The following TAFA1 variants were observed in gnomAD, a reference collection of about 807,000 sequenced individuals.
The protein encoded by TAFA1 is chemokine-like protein TAFA-1.
Under a neutral mutation model 18.5 loss-of-function variants are expected in TAFA1, and 4 were observed. The ratio of observed to expected loss-of-function variants is 0.22; its 90% confidence interval spans 0.11 to 0.49. The LOEUF (loss-of-function observed/expected upper bound fraction) is 0.49, where lower values mean the gene tolerates loss of function less well. TAFA1 is among the 20% of genes least tolerant of loss of function. TAFA1 has a pLI of 0.98. For synonymous variants in TAFA1, 56 were observed against 55.2 expected, an observed-to-expected ratio of 1.01 and a Z score of -0.06; for missense variants, 147 against 169.0, an observed-to-expected ratio of 0.87 and a Z score of 0.72.
chr3:68,102,174 C>T (rs6419759), intron 2 of TAFA1, among the ~76,000 whole-genome samples: 78,821 of 151,844 alleles, frequency 0.52, 20,800 homozygotes, highest in South Asian at 0.63. Flanking sequence ...TTTCCTCTTA[C>T]GCTAATTCAT....
At chr3:68,495,456 A>G (rs1415064723) in intron 3 of TAFA1, among the ~76,000 whole-genome samples, 1 of 152,226 alleles carries the variant, frequency 6.6e-6, no homozygotes, top group Non-Finnish European at 1.5e-5. Flanking sequence ...AAGATGATGC[A>G]TAATAAATTT....
chr3:68,210,952 G>C (rs77994549), intron 2 of TAFA1, among the ~76,000 whole-genome samples: 2,638 of 152,060 alleles, frequency 0.017, 67 homozygotes, highest in African/African-American at 0.059. Flanking sequence ...GGAAGACCCA[G>C]TGCTAAGACA....
chr3:68,098,340 C>T (rs144174277), intron 2 of TAFA1, among the ~76,000 whole-genome samples: 51 of 152,160 alleles, frequency 3.4e-4, no homozygotes, highest in Middle Eastern at 3.4e-3. Flanking sequence ...TATGCTGTGC[C>T]ACTTCTGTCT....
intron 2 of TAFA1, among the ~76,000 whole-genome samples, chr3:68,123,563 G>A (rs2065426420): frequency 6.6e-6 from 1 of 152,086 alleles, no homozygotes; most frequent in Admixed American, 6.5e-5. Context: ...TCACTTTTCT[G>A]AAAAGAGATG....
chr3:68,190,020 C>T (rs1229111612), intron 2 of TAFA1, among the ~76,000 whole-genome samples: 3 of 151,920 alleles, frequency 2.0e-5, no homozygotes, highest in Non-Finnish European at 4.4e-5. Context: ...TATCAAGCTA[C>T]TGTGGTTGAA....
intron 2 of TAFA1, among the ~76,000 whole-genome samples, chr3:68,176,901 G>T (rs1372303132): frequency 6.6e-6 from 1 of 152,116 alleles, no homozygotes; most frequent in African/African-American, 2.4e-5. Context: ...CTAGTTCTGG[G>T]AGGAATGTGG....
At chr3:68,118,047 G>A (rs1008753068) in intron 2 of TAFA1, among the ~76,000 whole-genome samples, 63 of 152,190 alleles carry the variant, frequency 4.1e-4, no homozygotes, top group Non-Finnish European at 7.5e-4. Flanking sequence ...GACCGAGGGT[G>A]GGATGGTTTC....
intron 2 of TAFA1, among the ~76,000 whole-genome samples, chr3:68,029,915 T>C (rs1217776250): frequency 6.6e-6 from 1 of 152,138 alleles, no homozygotes; most frequent in African/African-American, 2.4e-5. Context: ...GGACGATAGT[T>C]AAGAAAACCA....
chr3:68,203,463 T>C (rs1458498948), intron 2 of TAFA1, among the ~76,000 whole-genome samples: 2 of 151,734 alleles, frequency 1.3e-5, no homozygotes, highest in African/African-American at 4.8e-5. Context: ...TAGTATGCCT[T>C]GTAATTTTTG....
intron 2 of TAFA1, among the ~76,000 whole-genome samples, chr3:68,299,059 A>G (rs575831248): frequency 2.6e-5 from 4 of 152,336 alleles, no homozygotes; most frequent in African/African-American, 9.6e-5. Context: ...TTGACCAAAA[A>G]TGCTGATAGT....
intron 3 of TAFA1, among the ~76,000 whole-genome samples, chr3:68,522,937 A>G (rs2203118): frequency 0.79 from 119,794 of 151,804 alleles, 47,356 homozygotes; most frequent in East Asian, 0.89. Flanking sequence ...TTGGCGAGGT[A>G]TGGTGGTGTG....
intron 3 of TAFA1, among the ~76,000 whole-genome samples, chr3:68,421,291 G>A (rs972777883): frequency 6.6e-6 from 1 of 152,124 alleles, no homozygotes; most frequent in African/African-American, 2.4e-5. Context: ...AGTCAATAAA[G>A]TATTGAGTGT....
At chr3:68,254,517 G>A (rs1184616920) in intron 2 of TAFA1, among the ~76,000 whole-genome samples, 1 of 151,948 alleles carries the variant, frequency 6.6e-6, no homozygotes, top group African/African-American at 2.4e-5. Flanking sequence ...CTTCCATATG[G>A]CTTTCATGGT....
intron 2 of TAFA1, among the ~76,000 whole-genome samples, chr3:68,017,640 C>T (rs1203882244): frequency 6.6e-6 from 1 of 152,102 alleles, no homozygotes; most frequent in East Asian, 1.9e-4. Flanking sequence ...AGAAAATGAC[C>T]TAAGTTTAAT....
rs1308242858 is a variant in TAFA1, at chr3:68,262,302, G to A, written c.119-154978G>A. On this transcript the variant is annotated intron_variant, in intron 2 of 4. Coordinates refer to ENST00000478136, the MANE Select transcript of TAFA1 (RefSeq NM_213609.4). ...AATTTTCAGCTTTTATTTTAGATAT[G>A]GAGGGTATATATATATATATATATA... is the stretch of plus-strand genomic sequence containing the variant. Among the ~76,000 whole-genome samples the A allele has an allele frequency of 3.5e-4, 21 of 59,466 alleles. 2 individuals carry two copies. The highest frequency in any genetic ancestry group is 1.4e-3 in the African/African-American group (21 of 14,568). 39.0% of individuals were successfully genotyped at this position (59,466 alleles called of 152,430 possible).
At chr3:68,260,818 TAGA>T (rs1308051025) in intron 2 of TAFA1, among the ~76,000 whole-genome samples, 3 of 152,106 alleles carry the variant, frequency 2.0e-5, no homozygotes, top group Non-Finnish European at 4.4e-5. Flanking sequence ...ATAAAAATCC[TAGA>T]AGAAAACCTA....
chr3:68,189,056 A>G (rs970494468), intron 2 of TAFA1, among the ~76,000 whole-genome samples: 2 of 151,892 alleles, frequency 1.3e-5, no homozygotes, highest in African/African-American at 2.4e-5. Context: ...TGCACCAAAT[A>G]AAATCCTTGG....
chr3:68,047,037 T>C (rs1178684639), intron 2 of TAFA1, among the ~76,000 whole-genome samples: 1 of 152,218 alleles, frequency 6.6e-6, no homozygotes, highest in East Asian at 1.9e-4. Flanking sequence ...TATCTTAGTG[T>C]GATATCTATG....
intron 2 of TAFA1, among the ~76,000 whole-genome samples, chr3:68,366,997 C>T (rs565077626): frequency 1.3e-5 from 2 of 152,190 alleles, no homozygotes; most frequent in South Asian, 4.1e-4. Context: ...CCTTACCCCC[C>T]AGTTCTAAGT....
Sources: allele counts gnomAD v4.1 joint callset (sites outside exome capture counted in the v4.1 genomes callset), GRCh38; gene constraint gnomAD v4.1.1; transcripts MANE v1.5; gene names NCBI Gene and HGNC (gene_info 2026-07-23, HGNC 2026-07-21).